MAEA: variants seen among roughly 807,000 people sequenced by gnomAD.
MAEA encodes the protein macrophage erythroblast attacher, E3 ubiquitin ligase.
MAEA carries 22 observed loss-of-function variants against 46.2 expected under a neutral mutation model. The observed-to-expected ratio is 0.48, with a 90% CI of 0.34 to 0.68. The LOEUF is 0.68. Among genes scored for constraint, MAEA ranks in the 30% least tolerant of loss-of-function variants. The pLI, the probability that MAEA is intolerant of heterozygous loss-of-function variation, is 0.01. For synonymous variants in MAEA, 246 were observed against 222.6 expected (o/e 1.11, Z -0.94); for missense variants, 393 against 558.1 (o/e 0.70, Z 2.98).
intron 6 of MAEA, among the ~76,000 whole-genome samples, chr4:1,334,153 C>T (rs28497045): frequency 0.074 from 1,858 of 25,238 alleles, 507 homozygotes; most frequent in Middle Eastern, 0.1. Flanking sequence ...CTCACCCCTG[C>T]ATCCACCCCC....
At chr4:1,336,756 T>G in intron 6 of MAEA, 105 bp from the exon 7 acceptor site, 1 of 1,070,772 alleles carries the variant, frequency 9.3e-7, no homozygotes, top group East Asian at 2.5e-5. Flanking sequence ...CACTGGGGGA[T>G]GGCTGTGGGC....
intron 1 of MAEA, among the ~76,000 whole-genome samples, chr4:1,302,247 C>G (rs899275725): frequency 1.3e-5 from 2 of 152,316 alleles, no homozygotes; most frequent in Admixed American, 6.5e-5. Context: ...GAATGAAGGA[C>G]AACAACCACA....
In MAEA at chr4:1,323,552, TCC is replaced by T. The variant is rs1016796857; in HGVS notation, c.579+1052_579+1053del. The stretch of plus-strand genomic sequence containing the variant: ...ACGAAAAAGTAGAGCGGCTAGTAGC[TCC>T]CCTAAAGAGAGTTTGGACCTTGGTA... On this transcript the variant is annotated intron_variant, in intron 4 of 8. Transcript: ENST00000303400. 3 of 702,306 alleles carry T rather than the reference TCC, an allele frequency of 4.3e-6. No homozygotes were observed. In the African/African-American group the frequency reaches 5.2e-5, roughly 12 times the overall value. 43.5% of individuals were successfully genotyped at this position (702,306 alleles called of 1,614,324 possible). A position where few individuals can be genotyped will look rare whatever the true frequency, so the allele number is the denominator to read the frequency against.
chr4:1,310,899 T>C (rs1370734704), intron 1 of MAEA, among the ~76,000 whole-genome samples: 1 of 152,244 alleles, frequency 6.6e-6, no homozygotes, highest in Non-Finnish European at 1.5e-5. Flanking sequence ...CCTGTCTCTG[T>C]TGCCCTGGCT....
At chr4:1,300,035 A>G (rs1735160003) in intron 1 of MAEA, 1 of 152,272 alleles carries the variant, frequency 6.6e-6, no homozygotes, top group East Asian at 1.9e-4. Context: ...AAATAGAAGT[A>G]AATGTAACCA....
intron 2 of MAEA, among the ~76,000 whole-genome samples, chr4:1,312,865 C>T (rs1222723483): frequency 1.3e-5 from 2 of 152,176 alleles, no homozygotes; most frequent in Non-Finnish European, 1.5e-5. Context: ...TATCTTGAAA[C>T]GTCGCACTGA....
At chr4:1,306,741 T>C (rs1208912099) in intron 1 of MAEA, among the ~76,000 whole-genome samples, 1 of 152,228 alleles carries the variant, frequency 6.6e-6, no homozygotes, top group African/African-American at 2.4e-5. Context: ...TTGGTACATT[T>C]TGTATCCTTC....
chr4:1,311,948 C>G lies in MAEA; in HGVS notation c.70-31C>G. ...GCTGGTGGGGCTCACACCAGGGGAG[C>G]AGATCCCTCACCATCCTCCTTCCTC... On this transcript the variant is annotated intron_variant, in intron 1 of 8. Coordinates refer to ENST00000303400, the MANE Select transcript of MAEA (RefSeq NM_001017405.3). This position sits in a 1 kb window ranked among gnomAD's most constrained non-coding sequence, Gnocchi z 4.4. The G allele has an allele frequency of 1.3e-6, 2 of 1,583,470 alleles. No homozygotes were observed. The highest frequency in any genetic ancestry group is 1.7e-6 in the Non-Finnish European group (2 of 1,158,942).
At chr4:1,319,285 G>A (rs1243522100) in intron 3 of MAEA, among the ~76,000 whole-genome samples, 1 of 150,062 alleles carries the variant, frequency 6.7e-6, no homozygotes, top group African/African-American at 2.5e-5. Context: ...CCCAGGAGGT[G>A]GAGGCTGCAG....
In MAEA at chr4:1,312,003, C is replaced by T; in HGVS notation, c.94C>T (p.Arg32Cys). Reference sequence around the variant, plus strand: ...GGTGCCCTACGAGACGCTGAACAAACGCTTTCGCGCCGCTCAGAAGAACAT... The same window carrying T: ...GGTGCCCTACGAGACGCTGAACAAATGCTTTCGCGCCGCTCAGAAGAACAT... The part of the protein sequence containing the change: ...LKVPYETLNK[R>C]FRAAQKNIDR... Residue 32 changes from arginine to cysteine, a missense_variant, in exon 2 of 9, where the codon CGC (arginine) becomes TGC (cysteine). Around this residue, in one of 2 missense-constraint regions of MAEA, gnomAD observed 358 missense variants for 537.9 expected, o/e 0.67. Transcript: ENST00000303400. 1 of 1,612,042 alleles carries T rather than the reference C, an allele frequency of 6.2e-7. No individual in the cohort carries two copies.
intron 3 of MAEA, among the ~76,000 whole-genome samples, chr4:1,317,555 G>C (rs1481798827): frequency 6.6e-6 from 1 of 152,038 alleles, no homozygotes; most frequent in Non-Finnish European, 1.5e-5. Flanking sequence ...TTGTGTGTGT[G>C]TGTGGTGTCC....
intron 3 of MAEA, among the ~76,000 whole-genome samples, chr4:1,319,022 C>T (rs1003779400): frequency 6.6e-6 from 1 of 152,090 alleles, no homozygotes; most frequent in African/African-American, 2.4e-5. Flanking sequence ...AGGGGCAGAA[C>T]AGAGTCCTCA....
intron 2 of MAEA, 86 bp downstream of exon 2, chr4:1,312,247 C>T (rs1736597939): frequency 6.6e-7 from 1 of 1,524,226 alleles, no homozygotes; most frequent in African/African-American, 1.4e-5. Flanking sequence ...AGGCAAGCTG[C>T]AATGATGGGA....
intron 1 of MAEA, among the ~76,000 whole-genome samples, chr4:1,297,000 C>T (rs73796058): frequency 0.15 from 23,343 of 152,108 alleles, 3,430 homozygotes; most frequent in East Asian, 0.41. Context: ...CACTGCTGCC[C>T]TCCCCAGGCC....
chr4:1,334,509 G>A (rs10024996), intron 6 of MAEA, among the ~76,000 whole-genome samples: 67,316 of 152,100 alleles, frequency 0.44, 15,659 homozygotes, highest in Non-Finnish European at 0.52. Context: ...TGTTTCTCTC[G>A]CTTGCTCTGG....
intron 1 of MAEA, among the ~76,000 whole-genome samples, chr4:1,301,268 G>T (rs141897188): frequency 1.4e-3 from 220 of 152,358 alleles, no homozygotes; most frequent in Non-Finnish European, 2.5e-3. Context: ...CCGTGTGGGG[G>T]CAGCGGGCGG....
chr4:1,325,057 C>T (rs1024851737), intron 4 of MAEA, among the ~76,000 whole-genome samples: 5 of 152,130 alleles, frequency 3.3e-5, no homozygotes, highest in Non-Finnish European at 5.9e-5. Context: ...GTACGAGATG[C>T]GGCCGAGCCA....
chr4:1,309,859 G>A (rs1736264192), intron 1 of MAEA: 5 of 1,310,696 alleles, frequency 3.8e-6, no homozygotes, highest in Admixed American at 6.8e-5. Flanking sequence ...CCTGAGCAGC[G>A]TCAGCACCGC....
chr4:1,319,048 T>TGC (rs1212434504), intron 3 of MAEA, among the ~76,000 whole-genome samples: 1 of 152,106 alleles, frequency 6.6e-6, no homozygotes. Context: ...GCTGGTGCTG[T>TGC]GCGCCTGCCT....
Sources: allele counts gnomAD v4.1 joint callset (sites outside exome capture counted in the v4.1 genomes callset), GRCh38; gene constraint gnomAD v4.1.1; regional missense constraint gnomAD v4.1.1; non-coding constraint Gnocchi (gnomAD v3.1); transcripts MANE v1.5; gene names NCBI Gene and HGNC (gene_info 2026-07-23, HGNC 2026-07-21).